Variants in UBE2D2 observed in about 807,000 individuals in gnomAD.
The protein encoded by UBE2D2 is ubiquitin-conjugating enzyme E2 D2.
A neutral mutation model predicts 24.2 loss-of-function variants in UBE2D2; 2 were observed. The observed-to-expected ratio is 0.08, with a 90% CI of 0.03 to 0.26. UBE2D2 has a LOEUF of 0.26. Among genes scored for constraint, UBE2D2 ranks in the 10% least tolerant of loss-of-function variants. UBE2D2 has a pLI of 1.00. For missense variants in UBE2D2, 44 were observed against 177.6 expected, an observed-to-expected ratio of 0.25 and a Z score of 4.28; for synonymous variants, 58 against 56.5, an observed-to-expected ratio of 1.03 and a Z score of -0.12.
At chr5:139,549,371 G>A (rs1486516014) in intron 1 of UBE2D2, among the ~76,000 whole-genome samples, 1 of 152,210 alleles carries the variant, frequency 6.6e-6, no homozygotes, top group Admixed American at 6.5e-5. Context: ...AACTGGGGCT[G>A]CGCGCATGGC....
At chr5:139,603,787 A>G (rs1199379318) in intron 2 of UBE2D2, among the ~76,000 whole-genome samples, 1 of 152,146 alleles carries the variant, frequency 6.6e-6, no homozygotes, top group South Asian at 2.1e-4. Context: ...TACTAAAAAT[A>G]AAAATACAAG....
intron 2 of UBE2D2, among the ~76,000 whole-genome samples, chr5:139,603,507 C>T (rs1240844175): frequency 3.3e-5 from 5 of 151,466 alleles, no homozygotes; most frequent in Admixed American, 3.3e-4. Flanking sequence ...CCTATAATCC[C>T]AGCTACCTAG....
rs562825834 is a variant in UBE2D2, at chr5:139,565,678, T to G, written c.24+3863T>G. Among the ~76,000 whole-genome samples the G allele has an allele frequency of 6.6e-5, 10 of 152,310 alleles. No individual in the cohort carries two copies. In the South Asian group the frequency reaches 2.1e-3, roughly 32 times the overall value. On this transcript the variant is annotated intron_variant, in intron 1 of 6. Coordinates refer to ENST00000398733, the MANE Select transcript of UBE2D2 (RefSeq NM_003339.3). ...TTCATGTGCTCTGTGAACTGTGTGG[T>G]TTCCTTGGCTGATCGGAGACCTTTC...
At chr5:139,550,037 TCTAG>T (rs1752887595) in intron 1 of UBE2D2, among the ~76,000 whole-genome samples, 1 of 152,196 alleles carries the variant, frequency 6.6e-6, no homozygotes, top group Non-Finnish European at 1.5e-5. Context: ...GCACCCTGTG[TCTAG>T]CTCAAGGTTT....
chr5:139,577,790 A>G (rs1047388506), intron 1 of UBE2D2, among the ~76,000 whole-genome samples: 2 of 152,162 alleles, frequency 1.3e-5, no homozygotes, highest in Non-Finnish European at 2.9e-5. Context: ...CACCAAGTTA[A>G]TGATACTAGC....
intron 2 of UBE2D2, among the ~76,000 whole-genome samples, chr5:139,605,944 T>C (rs924135677): frequency 9.2e-5 from 14 of 152,090 alleles, no homozygotes; most frequent in Admixed American, 9.2e-4. Context: ...GGTCTCACCA[T>C]GTTTCCTACG....
chr5:139,594,865 G>A (rs1339101849), intron 1 of UBE2D2, among the ~76,000 whole-genome samples: 1 of 152,116 alleles, frequency 6.6e-6, no homozygotes, highest in African/African-American at 2.4e-5. Context: ...AAAATCTACA[G>A]ATGCTCAAGT....
chr5:139,609,754 T>A (rs1754273105), intron 2 of UBE2D2, among the ~76,000 whole-genome samples: 1 of 150,942 alleles, frequency 6.6e-6, no homozygotes, highest in Non-Finnish European at 1.5e-5. Context: ...TTGTTTTCTT[T>A]CTTTCTTTCT....
At chr5:139,550,572 A>G (rs767601128) in intron 1 of UBE2D2, among the ~76,000 whole-genome samples, 9 of 151,988 alleles carry the variant, frequency 5.9e-5, no homozygotes, top group Admixed American at 1.3e-4. Context: ...CGCTCACGCT[A>G]TGGGAGTTTT....
upstream of UBE2D2, among the ~76,000 whole-genome samples, chr5:139,559,940 T>C (rs376224908): frequency 4.6e-5 from 7 of 152,198 alleles, no homozygotes; most frequent in African/African-American, 1.7e-4. Context: ...CTCAGTGATT[T>C]AGCTTTTTGT....
intron 1 of UBE2D2, among the ~76,000 whole-genome samples, chr5:139,574,778 G>A (rs1011396848): frequency 6.6e-6 from 1 of 151,452 alleles, no homozygotes; most frequent in Admixed American, 6.6e-5. Flanking sequence ...GAATTTTGGA[G>A]CATTTGTGGC....
intron 1 of UBE2D2, among the ~76,000 whole-genome samples, chr5:139,546,706 G>A (rs1440251997): frequency 3.4e-5 from 5 of 146,440 alleles, no homozygotes; most frequent in Admixed American, 2.8e-4. Flanking sequence ...GACTGGTCTC[G>A]AAATCTTGAC....
intron 2 of UBE2D2, among the ~76,000 whole-genome samples, chr5:139,601,906 T>C: frequency 7.1e-6 from 1 of 139,902 alleles, no homozygotes. Flanking sequence ...TGAGACTTAC[T>C]CTCAAAAAAA....
chr5:139,527,245 A>G (rs144752427), intron 1 of UBE2D2, among the ~76,000 whole-genome samples: 8,718 of 152,214 alleles, frequency 0.057, 298 homozygotes, highest in Non-Finnish European at 0.084. Context: ...CACCCGGACC[A>G]GTTTCTATAC....
rs377409227 is a variant in UBE2D2 at position 139,555,246 on chromosome 5, G to A, written c.-64+28634G>A. Among the ~76,000 whole-genome samples the A allele has an allele frequency of 2.1e-4, 32 of 151,906 alleles. No individual in the cohort carries two copies. The Middle Eastern group carries it at 0.01, about 49-fold the overall frequency. ...TTTTTTGTAGAGGCTGGGTTTCACT[G>A]CCCAGGCTGGTCTCGAACTCCTGAG... On this transcript the variant is annotated intron_variant, in intron 1 of 6. Transcript: ENST00000511725.
chr5:139,574,539 G>A (rs1753427029), intron 1 of UBE2D2, among the ~76,000 whole-genome samples: 2 of 151,926 alleles, frequency 1.3e-5, no homozygotes, highest in Admixed American at 1.3e-4. Context: ...TAGGAAGCAT[G>A]CATGAGGCAT....
chr5:139,623,029 C>T (rs532842289), intron 5 of UBE2D2, among the ~76,000 whole-genome samples: 41 of 152,010 alleles, frequency 2.7e-4, no homozygotes, highest in African/African-American at 9.4e-4. Flanking sequence ...TGGCGAAACC[C>T]CATCTCTACT....
intron 1 of UBE2D2, among the ~76,000 whole-genome samples, chr5:139,576,959 T>A (rs910093355): frequency 2.0e-5 from 3 of 148,420 alleles, no homozygotes; most frequent in Non-Finnish European, 3.0e-5. Context: ...TTTTTTTTTT[T>A]AACTTGAATT....
intron 1 of UBE2D2, among the ~76,000 whole-genome samples, chr5:139,548,184 T>TAAAAAAAAAAAAAAA (rs1420608616): frequency 2.1e-5 from 1 of 46,884 alleles, no homozygotes; most frequent in Non-Finnish European, 3.5e-5. Context: ...AAAAAAAAAA[T>TAAAAAAAAAAAAAAA]AAAAAAAAAA....
Sources: gnomAD v4.1 joint callset for allele counts (sites outside exome capture counted in the v4.1 genomes callset) on GRCh38, gnomAD v4.1.1 for gene constraint, MANE v1.5 for transcripts, NCBI Gene and HGNC (gene_info 2026-07-23, HGNC 2026-07-21) for gene names.